The following AKAP8 variants were observed in gnomAD, a reference collection of about 807,000 sequenced individuals.
AKAP8 encodes the protein A-kinase anchoring protein 8.
In AKAP8, 24 loss-of-function variants were observed where a neutral mutation model predicts 67.5. The ratio of observed to expected loss-of-function variants is 0.36; its 90% CI spans 0.26 to 0.50. The LOEUF is 0.50. AKAP8 is among the 20% of genes least tolerant of loss of function. The probability of loss-of-function intolerance (pLI) is 0.97; values close to 1 mark genes in which losing one functional copy is unlikely to be tolerated. For synonymous variants in AKAP8, 400 were observed against 371.1 expected, an observed-to-expected ratio of 1.08 and a Z score of -0.90; for missense variants, 971 against 955.9, an observed-to-expected ratio of 1.02 and a Z score of -0.21.
At position 15,354,335 on chromosome 19, in the gene AKAP8, T is replaced by A. The variant is rs2048262970; in HGVS notation, c.*580A>T. The A allele has an allele frequency of 6.5e-6, 1 of 154,672 alleles. No homozygotes were observed. 9.6% of individuals were successfully genotyped at this position (154,672 alleles called of 1,614,324 possible). On this transcript the variant is annotated 3_prime_UTR_variant, in exon 14 of 14. Coordinates refer to ENST00000269701, the MANE Select transcript of AKAP8 (RefSeq NM_005858.4). Reference sequence around the variant, plus strand: ...GAGGTTGCGGTGGGTGTGTTTCCAGTGGCGTAGGTCGGTCAGATACTTCTG... The same window carrying A: ...GAGGTTGCGGTGGGTGTGTTTCCAGAGGCGTAGGTCGGTCAGATACTTCTG...
rs1427039393 is a variant in AKAP8, at chr19:15,372,009, C to T, written c.992-11G>A. 6.2e-7 allele frequency: 1 copy of T among 1,614,078 alleles called. No homozygotes were observed. ...CACCAGCTGCGTCATCTGCCAGACA[C>T]AAAGAAAGGAAAAGTCAGTCCCCGG... On this transcript the variant is annotated splice_polypyrimidine_tract_variant and intron_variant, in intron 6 of 13. Coordinates refer to ENST00000269701, the MANE Select transcript of AKAP8 (RefSeq NM_005858.4).
intron 2 of AKAP8, among the ~76,000 whole-genome samples, chr19:15,376,008 G>A (rs971163250): frequency 2.6e-5 from 4 of 151,248 alleles, no homozygotes; most frequent in Non-Finnish European, 5.9e-5. Context: ...ACAGCTCACT[G>A]CAGCCTTACC....
Position 15,360,973 on chromosome 19 carries a change from C to T in AKAP8, c.1402G>A (p.Gly468Ser). The change falls in exon 12 of 14, where the codon GGC becomes AGC. Residue 468 changes from glycine to serine, a missense_variant. By Grantham distance (56) the Gly-to-Ser change is moderately conservative. This residue lies in a region of AKAP8 where 763 missense variants were observed against 745.4 expected (regional missense o/e 1.02). Transcript: ENST00000269701. ...KPKPDPFKGI[G>S]QEHFFKKIEA... The stretch of plus-strand genomic sequence containing the variant: ...ATCTTCTTGAAGAAGTGCTCCTGGC[C>T]AATCCCTGCCAGGAAACGCATGTCT... 6.2e-7 allele frequency: 1 copy of T among 1,612,566 alleles called. No homozygotes were observed.
intron 9 of AKAP8, among the ~76,000 whole-genome samples, chr19:15,363,521 C>A (rs1487091847): frequency 6.9e-6 from 1 of 145,276 alleles, no homozygotes; most frequent in South Asian, 2.2e-4. Flanking sequence ...CCGCACCGTC[C>A]GGGAGGGAGG....
At chr19:15,377,954 C>A (rs980725356) in intron 1 of AKAP8, among the ~76,000 whole-genome samples, 6 of 152,150 alleles carry the variant, frequency 3.9e-5, no homozygotes, top group Non-Finnish European at 8.8e-5. Context: ...TCCCTGGGGC[C>A]CAGCACTGAG....
At chr19:15,361,264 G>A (rs1966960502) in intron 11 of AKAP8, among the ~76,000 whole-genome samples, 1 of 54,746 alleles carries the variant, frequency 1.8e-5, no homozygotes, top group South Asian at 4.8e-4. Context: ...GGCCACATCC[G>A]AAGGTTTCTT....
chr19:15,360,784 A>C, intron 12 of AKAP8, 64 bp downstream of exon 12: 1 of 1,559,454 alleles, frequency 6.4e-7, no homozygotes, highest in Non-Finnish European at 8.7e-7. Flanking sequence ...CCCATAAGAC[A>C]CAGCAGGCTC....
intron 2 of AKAP8, 123 bp from the exon 3 acceptor site, chr19:15,374,758 G>A: frequency 4.4e-6 from 5 of 1,128,062 alleles, no homozygotes; most frequent in South Asian, 2.9e-5. Context: ...AGCGCTCAGG[G>A]AGACACCCTT....
intron 13 of AKAP8, among the ~76,000 whole-genome samples, chr19:15,356,506 G>A (rs905956465): frequency 6.6e-6 from 1 of 152,174 alleles, no homozygotes; most frequent in Non-Finnish European, 1.5e-5. Flanking sequence ...GCTCACGCCT[G>A]TAATCCCAGC....
chr19:15,370,807 T>C (rs918007933), intron 7 of AKAP8, among the ~76,000 whole-genome samples: 1 of 152,002 alleles, frequency 6.6e-6, no homozygotes, highest in Non-Finnish European at 1.5e-5. Flanking sequence ...AATTTTTGTA[T>C]TTTCAGTAGA....
chr19:15,374,515 C>G (rs898004688), intron 3 of AKAP8, 88 bp downstream of exon 3: 2 of 1,500,164 alleles, frequency 1.3e-6, no homozygotes, highest in Non-Finnish European at 1.8e-6. Flanking sequence ...AAAGTCCACG[C>G]CAGACCTCCC....
rs759874799 is a variant in AKAP8, at chr19:15,372,288, C to T, written c.921G>A (p.Gln307=). ...TGTCTGGCTCCTCGTAAAGTTGGAA[C>T]TGCTTCCGTTTCCTGCCCGTGCCAT... The part of the protein sequence containing the change: ...GPDGTGRKRK[Q]FQLYEEPDTK... The change falls in exon 6 of 14, where the codon CAG becomes CAA. Residue 307 remains glutamine (Q), a synonymous_variant. Coordinates refer to ENST00000269701, the MANE Select transcript of AKAP8 (RefSeq NM_005858.4). The T allele has an allele frequency of 6.2e-7, 1 of 1,614,186 alleles. No individual in the cohort carries two copies. Among genetic ancestry groups the T allele is most frequent in the East Asian group, 2.2e-5 (1 of 44,886 alleles).
Position 15,379,424 on chromosome 19 carries a change from G to A in AKAP8, c.19+289C>T, listed in dbSNP as rs191179765. On this transcript the variant is annotated intron_variant, in intron 1 of 13. Transcript: ENST00000269701. ...TCCGCCGAAGGTGAGGGGCAAAAAC[G>A]GCCCACACTGTCTAAGACGCCCCCA... 13 of 402,618 alleles carry A rather than the reference G, an allele frequency of 3.2e-5. No homozygotes were observed. The South Asian group carries it at 5.6e-4, about 17-fold the overall frequency. 24.9% of individuals were successfully genotyped at this position (402,618 alleles called of 1,614,324 possible).
intron 6 of AKAP8, 29 bp downstream of exon 6, chr19:15,372,189 G>A (rs745882969): frequency 6.2e-7 from 1 of 1,613,272 alleles, no homozygotes. Flanking sequence ...TCCTACATCT[G>A]TCTGGCCCAC....
intron 2 of AKAP8, among the ~76,000 whole-genome samples, chr19:15,375,345 T>C (rs1967233801): frequency 6.6e-6 from 1 of 152,124 alleles, no homozygotes; most frequent in African/African-American, 2.4e-5. Context: ...GCACAGCCCT[T>C]AGGATTTTCG....
At chr19:15,374,720 C>G in intron 2 of AKAP8, 85 bp from the exon 3 acceptor site, 1 of 1,521,620 alleles carries the variant, frequency 6.6e-7, no homozygotes, top group African/African-American at 1.4e-5. Context: ...CCACCCTCCA[C>G]AGCCCCAGGG....
chr19:15,374,117 C>A (rs764524507), intron 3 of AKAP8, 52 bp from the exon 4 acceptor site: 1 of 1,517,522 alleles, frequency 6.6e-7, no homozygotes, highest in South Asian at 1.3e-5. Flanking sequence ...GAGGCCTGTC[C>A]ATGGTGGACA....
chr19:15,368,163 A>C, intron 9 of AKAP8, 72 bp downstream of exon 9: 1 of 1,581,430 alleles, frequency 6.3e-7, no homozygotes. Flanking sequence ...TGGAGCGAGG[A>C]CAGGTGAGCT....
At chr19:15,377,576 C>CTCCT (rs895896347) in intron 1 of AKAP8, among the ~76,000 whole-genome samples, 22 of 152,322 alleles carry the variant, frequency 1.4e-4, no homozygotes, top group African/African-American at 5.3e-4. Flanking sequence ...TCACGCCATT[C>CTCCT]TCCTGCCTCA....
Sources: allele counts gnomAD v4.1 joint callset (sites outside exome capture counted in the v4.1 genomes callset), GRCh38; gene constraint gnomAD v4.1.1; regional missense constraint gnomAD v4.1.1; transcripts MANE v1.5; gene names NCBI Gene and HGNC (gene_info 2026-07-23, HGNC 2026-07-21).